Variants in PCDHGA8 observed in about 807,000 individuals in gnomAD.
PCDHGA8 encodes the protein protocadherin gamma subfamily A, 8.
In PCDHGA8, 45 loss-of-function variants were observed where a neutral mutation model predicts 59.2. That is an observed-to-expected ratio of 0.76 (90% CI 0.60 to 0.98). The LOEUF is 0.98. Among genes scored for constraint, PCDHGA8 ranks in the 50% least tolerant of loss-of-function variants. PCDHGA8 has a pLI of 0.00. For missense variants in PCDHGA8, 1,257 were observed against 1,196.2 expected, an observed-to-expected ratio of 1.05 and a Z score of -0.75; for synonymous variants, 531 against 519.0, an observed-to-expected ratio of 1.02 and a Z score of -0.32.
At chr5:141,406,072 CT>C (rs530474569) in intron 1 of PCDHGA8, among the ~76,000 whole-genome samples, 16,756 of 141,280 alleles carry the variant, frequency 0.12, 1,110 homozygotes, top group African/African-American at 0.2. Flanking sequence ...ATTCTTACTC[CT>C]TTTTTTTTTT....
In PCDHGA8 at chr5:141,409,436, C is replaced by T. The variant is rs368696166; in HGVS notation, c.2424+14199C>T. Reference sequence around the variant, plus strand: ...ACTGGTGACAGATGGAGCCCTGGACCGAGAGCAGACACCAGAATACAATGT... The same window carrying T: ...ACTGGTGACAGATGGAGCCCTGGACTGAGAGCAGACACCAGAATACAATGT... On this transcript the variant is annotated intron_variant, in intron 1 of 3. Transcript: ENST00000398604. 6 of 1,613,864 alleles carry T rather than the reference C, an allele frequency of 3.7e-6. 1 individual carries two copies. The highest frequency in any genetic ancestry group is 5.1e-6 in the Non-Finnish European group (6 of 1,179,900).
chr5:141,432,343 G>C lies in PCDHGA8; in HGVS notation c.2424+37106G>C, dbSNP rs1174646711. 3 of 1,614,130 alleles carry C rather than the reference G, an allele frequency of 1.9e-6. No homozygotes were observed. On this transcript the variant is annotated intron_variant, in intron 1 of 3. Coordinates refer to ENST00000398604, the MANE Select transcript of PCDHGA8 (RefSeq NM_032088.2). This position sits in a 1 kb window ranked among gnomAD's most constrained non-coding sequence, Gnocchi z 6.0. ...TCGACTACGAGCAGTTCCGAGACTTGCAAGTGAAAGTGATGGCGCGGGACA... is the reference window on the plus strand; with the variant it reads ...TCGACTACGAGCAGTTCCGAGACTTCCAAGTGAAAGTGATGGCGCGGGACA...
intron 2 of PCDHGA8, among the ~76,000 whole-genome samples, chr5:141,495,725 C>G (rs1339925752): frequency 1.3e-5 from 2 of 151,986 alleles, no homozygotes; most frequent in African/African-American, 4.8e-5. Flanking sequence ...TACACGGGAC[C>G]CTTAGTCTCT....
Position 141,485,550 on chromosome 5 carries a change from TG to T in PCDHGA8, c.2425-9256del. On this transcript the variant is annotated intron_variant, in intron 1 of 3. Coordinates refer to ENST00000398604, the MANE Select transcript of PCDHGA8 (RefSeq NM_032088.2). The surrounding 1 kb of genome is among the most constrained non-coding windows in gnomAD (Gnocchi z 5.7). ...CGAGCAGAGGTAGAGATCGTAGATGTGAATGATCACGCCCCCCGTTTTCCGC... is the reference window on the plus strand; with the variant it reads ...CGAGCAGAGGTAGAGATCGTAGATGTAATGATCACGCCCCCCGTTTTCCGC... The T allele has an allele frequency of 6.2e-7, 1 of 1,613,820 alleles. No individual in the cohort carries two copies.
intron 1 of PCDHGA8, chr5:141,422,968 C>A (rs766010601): frequency 6.2e-7 from 1 of 1,614,240 alleles, no homozygotes; most frequent in Non-Finnish European, 8.5e-7. Context: ...GCTGGCGCCC[C>A]GCTCTGCGGA....
In PCDHGA8 at chr5:141,394,009, GTAATTATTATAGA is replaced by G. The variant is rs780846520; in HGVS notation, c.1198_1210del (p.Asn400Ter). On this transcript the variant is annotated frameshift_variant, in exon 1 of 4. Transcript: ENST00000398604. LOFTEE classifies it high-confidence loss of function. ...CCTTTTAAATTAGAAAAGTCAATAG[GTAATTATTATAGA>G]TTAGTGACAAGGAAATATTTGGACC... The G allele has an allele frequency of 6.2e-7, 1 of 1,613,394 alleles. No homozygotes were observed. The highest frequency in any genetic ancestry group is 8.5e-7 in the Non-Finnish European group (1 of 1,179,576).
intron 1 of PCDHGA8, chr5:141,410,816 A>G (rs2095424614): frequency 1.8e-6 from 1 of 550,516 alleles, no homozygotes; most frequent in African/African-American, 2.1e-5. Flanking sequence ...TTTGTAAAAT[A>G]ATGTCACCAG....
At chr5:141,435,052 T>C (rs922871138) in intron 1 of PCDHGA8, among the ~76,000 whole-genome samples, 1 of 152,174 alleles carries the variant, frequency 6.6e-6, no homozygotes, top group African/African-American at 2.4e-5. Context: ...CCATTGACCA[T>C]GCAGCAGTTT....
At position 141,399,887 on chromosome 5, in the gene PCDHGA8, T is replaced by C. The variant is rs1189359878; in HGVS notation, c.2424+4650T>C. ...GAGCCCGGCTACCTGGTGACCAAGG[T>C]AGTGGCCGTGGACGCAGACTCAGGA... On this transcript the variant is annotated intron_variant, in intron 1 of 3. Coordinates refer to ENST00000398604, the MANE Select transcript of PCDHGA8 (RefSeq NM_032088.2). 3 of 1,612,524 alleles carry C rather than the reference T, an allele frequency of 1.9e-6. No homozygotes were observed. The African/African-American group carries it at 4.0e-5, about 22-fold the overall frequency.
In PCDHGA8 at chr5:141,485,053, G is replaced by A. The variant is rs555996081; in HGVS notation, c.2425-9754G>A. On this transcript the variant is annotated intron_variant, in intron 1 of 3. Coordinates refer to ENST00000398604, the MANE Select transcript of PCDHGA8 (RefSeq NM_032088.2). The surrounding 1 kb of genome is among the most constrained non-coding windows in gnomAD (Gnocchi z 5.7). ...GCGCGTAACCCTTGCGGCGCCGGCC[G>A]AACCGCGCCAGAGCTGGCGCGGGGA... 6.9e-5 allele frequency: 57 copies of A among 820,742 alleles called. 2 individuals carry two copies. In the South Asian group the frequency reaches 9.3e-4, roughly 13 times the overall value. 50.8% of individuals were successfully genotyped at this position (820,742 alleles called of 1,614,324 possible).
chr5:141,486,734 C>G lies in PCDHGA8; in HGVS notation c.2425-8073C>G, dbSNP rs2099634292. On this transcript the variant is annotated intron_variant, in intron 1 of 3. Transcript: ENST00000398604. This position sits in a 1 kb window ranked among gnomAD's most constrained non-coding sequence, Gnocchi z 5.0. ...CCAGACAGGAGCTGTTCATGCTACT[C>G]GATCCTTTGACTATGAGCAAACCCA... 6.2e-7 allele frequency: 1 copy of G among 1,614,070 alleles called. No individual in the cohort carries two copies. The highest frequency in any genetic ancestry group is 1.7e-5 in the Admixed American group (1 of 60,000).
chr5:141,496,103 C>G (rs779317844), intron 2 of PCDHGA8, among the ~76,000 whole-genome samples: 1 of 152,100 alleles, frequency 6.6e-6, no homozygotes, highest in Non-Finnish European at 1.5e-5. Flanking sequence ...ACCAACACCC[C>G]GCTCTCTTCC....
Position 141,486,989 on chromosome 5 carries a change from G to A in PCDHGA8, c.2425-7818G>A. 1.9e-6 allele frequency: 3 copies of A among 1,614,168 alleles called. No individual in the cohort carries two copies. Among genetic ancestry groups the A allele is most frequent in the Non-Finnish European group, 2.5e-6 (3 of 1,180,034 alleles). On this transcript the variant is annotated intron_variant, in intron 1 of 3. Transcript: ENST00000398604. This position sits in a 1 kb window ranked among gnomAD's most constrained non-coding sequence, Gnocchi z 5.0. ...CTTGGATTCAGGTTACAATGCTTGG[G>A]TTTCCTATCAGCTCCTGGAGGCCCC...
chr5:141,487,593 C>G lies in PCDHGA8; in HGVS notation c.2425-7214C>G. The G allele has an allele frequency of 6.2e-7, 1 of 1,614,206 alleles. No homozygotes were observed. Among genetic ancestry groups the G allele is most frequent in the African/African-American group, 1.3e-5 (1 of 75,062 alleles). On this transcript the variant is annotated intron_variant, in intron 1 of 3. Coordinates refer to ENST00000398604, the MANE Select transcript of PCDHGA8 (RefSeq NM_032088.2). This position sits in a 1 kb window ranked among gnomAD's most constrained non-coding sequence, Gnocchi z 5.0. ...CCTGTTCGCCCAAGCTGCCCACCCT[C>G]TGATCTTCTCTATGGGCTAGAGGTG...
At chr5:141,495,499 C>T (rs918858395) in intron 2 of PCDHGA8, among the ~76,000 whole-genome samples, 13 of 152,162 alleles carry the variant, frequency 8.5e-5, no homozygotes, top group African/African-American at 2.9e-4. Context: ...CTTGAGTTTC[C>T]GTCTTTGCCA....
intron 1 of PCDHGA8, among the ~76,000 whole-genome samples, chr5:141,456,707 G>A (rs1198079338): frequency 6.6e-6 from 1 of 152,208 alleles, no homozygotes; most frequent in African/African-American, 2.4e-5. Context: ...GCTCGCGCCT[G>A]TAATCCCAGC....
At chr5:141,457,167 C>T (rs1465212183) in intron 1 of PCDHGA8, among the ~76,000 whole-genome samples, 1 of 152,114 alleles carries the variant, frequency 6.6e-6, no homozygotes, top group East Asian at 1.9e-4. Context: ...CATGGATAAC[C>T]CTATTGCAAA....
At chr5:141,498,947 AAAAG>A (rs1475471777) in intron 2 of PCDHGA8, among the ~76,000 whole-genome samples, 1 of 145,446 alleles carries the variant, frequency 6.9e-6, no homozygotes, top group African/African-American at 2.6e-5. Context: ...GAAAGAAAGA[AAAAG>A]AGAGAGAGGG....
Position 141,394,520 on chromosome 5 carries a change from A to G in PCDHGA8, c.1707A>G (p.Thr569=). 2.5e-6 allele frequency: 4 copies of G among 1,614,190 alleles called. No homozygotes were observed. The highest frequency in any genetic ancestry group is 1.3e-5 in the African/African-American group (1 of 75,062). Residue 569 remains threonine (T), a synonymous_variant, in exon 1 of 4, where the codon ACA becomes ACG. Coordinates refer to ENST00000398604, the MANE Select transcript of PCDHGA8 (RefSeq NM_032088.2). ...AGATCCTGTACCCCGCCCTCCCCAC[A>G]GACGGTTCCACTGGCGTGGAGCTGG... is the stretch of plus-strand genomic sequence containing the variant. ...APEILYPALP[T]DGSTGVELAP...
Sources: allele counts gnomAD v4.1 joint callset (sites outside exome capture counted in the v4.1 genomes callset), GRCh38; gene constraint gnomAD v4.1.1; non-coding constraint Gnocchi (gnomAD v3.1); transcripts MANE v1.5; gene names NCBI Gene and HGNC (gene_info 2026-07-23, HGNC 2026-07-21).